The following DPP10 variants were observed in gnomAD, a reference collection of about 807,000 sequenced individuals.
DPP10 encodes inactive dipeptidyl peptidase 10.
DPP10 carries 33 observed loss-of-function variants against 120.9 expected under a neutral mutation model. The observed-to-expected ratio is 0.27, with a 90% CI of 0.21 to 0.37. The LOEUF (loss-of-function observed/expected upper bound fraction) is 0.37. Among genes scored for constraint, DPP10 ranks in the 10% least tolerant of loss-of-function variants. DPP10 has a pLI of 1.00. For missense variants in DPP10, 816 were observed against 942.8 expected (o/e 0.87, Z 1.76); for synonymous variants, 337 against 326.1 (o/e 1.03, Z -0.36).
At chr2:115,665,324 C>A (rs7568150) in intron 5 of DPP10, among the ~76,000 whole-genome samples, 98,611 of 152,010 alleles carry the variant, frequency 0.65, 33,636 homozygotes, top group East Asian at 0.92. Flanking sequence ...ATATTGCATC[C>A]AATCTGAGAT....
chr2:114,944,554 G>A (rs1261576140), intron 1 of DPP10, among the ~76,000 whole-genome samples: 3 of 151,984 alleles, frequency 2.0e-5, no homozygotes, highest in Non-Finnish European at 4.4e-5. Context: ...AAAATATATG[G>A]TCATCATACT....
chr2:115,265,817 G>A (rs1334295424), intron 1 of DPP10, among the ~76,000 whole-genome samples: 2 of 152,084 alleles, frequency 1.3e-5, no homozygotes, highest in South Asian at 2.1e-4. Context: ...GGTGGCTCAC[G>A]CCTGTAGTCC....
At chr2:115,626,363 A>G (rs2085359774) in intron 5 of DPP10, among the ~76,000 whole-genome samples, 1 of 146,620 alleles carries the variant, frequency 6.8e-6, no homozygotes, top group South Asian at 2.1e-4. Flanking sequence ...TTAATTTGTC[A>G]ATTAACGTAC....
intron 7 of DPP10, among the ~76,000 whole-genome samples, chr2:115,718,391 GTC>G (rs766758905): frequency 6.6e-6 from 1 of 152,146 alleles, no homozygotes; most frequent in Non-Finnish European, 1.5e-5. Context: ...GAGATCTCAT[GTC>G]TCTGTGATAG....
chr2:115,042,537 A>C (rs1704736982), intron 1 of DPP10, among the ~76,000 whole-genome samples: 1 of 152,248 alleles, frequency 6.6e-6, no homozygotes, highest in South Asian at 2.1e-4. Flanking sequence ...AATTGCTGGG[A>C]TTACAGGCGT....
At chr2:115,333,333 C>G (rs1458695020) in intron 2 of DPP10, among the ~76,000 whole-genome samples, 2 of 151,926 alleles carry the variant, frequency 1.3e-5, no homozygotes, top group East Asian at 1.9e-4. Context: ...ATGTGAGATG[C>G]GTCTCCTGAA....
In DPP10 at chr2:115,842,371, G is replaced by C. The variant is rs1690244396; in HGVS notation, c.*26G>C. 6.3e-7 allele frequency: 1 copy of C among 1,599,698 alleles called. No individual in the cohort carries two copies. Among genetic ancestry groups the C allele is most frequent in the African/African-American group, 1.3e-5 (1 of 74,692 alleles). On this transcript the variant is annotated 3_prime_UTR_variant, in exon 26 of 26. Coordinates refer to ENST00000410059, the MANE Select transcript of DPP10 (RefSeq NM_020868.6). ...TGGACTGTATTTATACAGAACTGAAGGGAATATTGAGGCTCAATGAAACCT... is the reference window on the plus strand; with the variant it reads ...TGGACTGTATTTATACAGAACTGAACGGAATATTGAGGCTCAATGAAACCT...
At chr2:115,097,657 T>C (rs975466491) in intron 1 of DPP10, among the ~76,000 whole-genome samples, 2 of 152,200 alleles carry the variant, frequency 1.3e-5, no homozygotes, top group Non-Finnish European at 2.9e-5. Context: ...AATGTAGGGC[T>C]TCAACACTTC....
At chr2:115,325,853 G>T (rs912366869) in intron 2 of DPP10, among the ~76,000 whole-genome samples, 2 of 152,014 alleles carry the variant, frequency 1.3e-5, no homozygotes, top group African/African-American at 4.8e-5. Context: ...ACATTGTTTT[G>T]GTTGAGATAT....
Position 115,413,700 on chromosome 2 carries a change from A to G in DPP10, c.271+69788A>G, listed in dbSNP as rs1161893596. Among the ~76,000 whole-genome samples, 6 of 152,320 alleles carry G rather than the reference A, an allele frequency of 3.9e-5. 2 individuals carry two copies. The highest frequency in any genetic ancestry group is 3.9e-4 in the Admixed American group (6 of 15,292). On this transcript the variant is annotated intron_variant, in intron 3 of 25. Transcript: ENST00000410059. ...TGAAGTGCTGATTAGGCAAGCAAAAATACAGTTTTCCAGACCTCACATTTA... is the reference window on the plus strand; with the variant it reads ...TGAAGTGCTGATTAGGCAAGCAAAAGTACAGTTTTCCAGACCTCACATTTA...
chr2:115,406,688 A>C (rs2068532559), intron 3 of DPP10, among the ~76,000 whole-genome samples: 1 of 152,170 alleles, frequency 6.6e-6, no homozygotes, highest in Non-Finnish European at 1.5e-5. Flanking sequence ...GTATATTACT[A>C]GTTATAAAGA....
rs1305431613 is a variant in DPP10, at chr2:115,780,858, C to T, written c.1362-16C>T. ...ATAGTAGCATTTCTATAATAACTTC[C>T]TTTTTCTTTCTCCAGTGCTTCTACT... On this transcript the variant is annotated splice_polypyrimidine_tract_variant and intron_variant, in intron 15 of 25. Coordinates refer to ENST00000410059, the MANE Select transcript of DPP10 (RefSeq NM_020868.6). The T allele has an allele frequency of 8.8e-6, 14 of 1,593,156 alleles. No individual in the cohort carries two copies. The highest frequency in any genetic ancestry group is 1.0e-5 in the Non-Finnish European group (12 of 1,168,418).
intron 1 of DPP10, among the ~76,000 whole-genome samples, chr2:114,591,552 C>CTCTTTTTTTTTT (rs1388048473): frequency 7.8e-6 from 1 of 128,512 alleles, no homozygotes; most frequent in Non-Finnish European, 1.6e-5. Flanking sequence ...CAACCTCTTC[C>CTCTTTTTTTTTT]TATTTTTTTT....
At chr2:114,455,954 G>A (rs977400678) in intron 1 of DPP10, among the ~76,000 whole-genome samples, 2 of 152,106 alleles carry the variant, frequency 1.3e-5, no homozygotes. Flanking sequence ...TGTCATGGAG[G>A]CAAGCCCGTT....
At chr2:115,382,149 C>T (rs1421580624) in intron 3 of DPP10, among the ~76,000 whole-genome samples, 4 of 152,172 alleles carry the variant, frequency 2.6e-5, no homozygotes, top group Non-Finnish European at 4.4e-5. Context: ...GGGCGCCCCT[C>T]CCCCAGCCTC....
intron 1 of DPP10, among the ~76,000 whole-genome samples, chr2:115,207,895 C>T (rs552228606): frequency 2.6e-5 from 4 of 151,914 alleles, no homozygotes; most frequent in South Asian, 2.1e-4. Flanking sequence ...TGCAGGGAAA[C>T]GAGTAAGCAT....
intron 1 of DPP10, among the ~76,000 whole-genome samples, chr2:115,091,745 G>T (rs1022286232): frequency 6.6e-6 from 1 of 152,128 alleles, no homozygotes; most frequent in African/African-American, 2.4e-5. Context: ...CCCTCATTTT[G>T]GTGTCCTATG....
intron 1 of DPP10, among the ~76,000 whole-genome samples, chr2:115,140,638 C>T (rs1174168808): frequency 6.6e-6 from 1 of 152,058 alleles, no homozygotes; most frequent in Non-Finnish European, 1.5e-5. Flanking sequence ...AGAGTTTGGA[C>T]CACATTGCTA....
chr2:115,650,081 G>A (rs945755098), intron 5 of DPP10, among the ~76,000 whole-genome samples: 1 of 152,094 alleles, frequency 6.6e-6, no homozygotes, highest in Non-Finnish European at 1.5e-5. Context: ...GTGGTCATTT[G>A]TTGGCACAAG....
Sources: allele counts gnomAD v4.1 joint callset (sites outside exome capture counted in the v4.1 genomes callset), GRCh38; gene constraint gnomAD v4.1.1; transcripts MANE v1.5; gene names NCBI Gene and HGNC (gene_info 2026-07-23, HGNC 2026-07-21).